The following IL17RD variants were observed in gnomAD, a reference collection of about 807,000 sequenced individuals.
IL17RD encodes interleukin 17 receptor D.
Under a neutral mutation model 80.5 loss-of-function variants are expected in IL17RD, and 52 were observed. That is an observed-to-expected ratio of 0.65 (90% CI 0.52 to 0.81). The LOEUF is 0.81. Among genes scored for constraint, IL17RD ranks in the 40% least tolerant of loss-of-function variants. IL17RD has a pLI of 0.00. For synonymous variants in IL17RD, 416 were observed against 391.8 expected, an observed-to-expected ratio of 1.06 and a Z score of -0.73; for missense variants, 1,024 against 955.1, an observed-to-expected ratio of 1.07 and a Z score of -0.95.
intron 1 of IL17RD, among the ~76,000 whole-genome samples, chr3:57,152,137 T>G (rs2060230217): frequency 6.6e-6 from 1 of 151,970 alleles, no homozygotes; most frequent in Non-Finnish European, 1.5e-5. Context: ...AAACAAGAAC[T>G]CTCTCGGCTG....
At chr3:57,158,224 T>G (rs1309008331) in intron 1 of IL17RD, among the ~76,000 whole-genome samples, 4 of 152,198 alleles carry the variant, frequency 2.6e-5, no homozygotes, top group Non-Finnish European at 5.9e-5. Context: ...ATGAAAAGCC[T>G]CATGATTAAC....
At chr3:57,127,361 TA>T (rs1368602334) in intron 1 of IL17RD, among the ~76,000 whole-genome samples, 1 of 81,184 alleles carries the variant, frequency 1.2e-5, no homozygotes, top group Admixed American at 2.0e-4. Context: ...TATATATAAA[TA>T]TAAATATATA....
chr3:57,146,872 C>A (rs1392194470), intron 1 of IL17RD, among the ~76,000 whole-genome samples: 2 of 122,594 alleles, frequency 1.6e-5, no homozygotes, highest in African/African-American at 4.4e-5. Context: ...GACTGGAGTG[C>A]AATGGCACAA....
chr3:57,153,393 G>T (rs2060242913), intron 1 of IL17RD, among the ~76,000 whole-genome samples: 1 of 152,198 alleles, frequency 6.6e-6, no homozygotes, highest in Admixed American at 6.5e-5. Context: ...ACCTATTCAT[G>T]AGGAAACAAT....
Position 57,120,317 on chromosome 3 carries a change from T to C in IL17RD, c.127-4A>G, listed in dbSNP as rs1344744083. The C allele has an allele frequency of 1.9e-6, 3 of 1,612,320 alleles. No homozygotes were observed. The highest frequency in any genetic ancestry group is 2.2e-5 in the East Asian group (1 of 44,892). Reference sequence around the variant, plus strand: ...TTCTGCTGGCTGGCCCCACTCCCTGTGGGAAAACAAGAGAACATGATGCAG... The same window carrying C: ...TTCTGCTGGCTGGCCCCACTCCCTGCGGGAAAACAAGAGAACATGATGCAG... On this transcript the variant is annotated splice_polypyrimidine_tract_variant and splice_region_variant and intron_variant, in intron 1 of 12. Transcript: ENST00000296318.
chr3:57,113,842 CT>C (rs1327570832), intron 3 of IL17RD, among the ~76,000 whole-genome samples: 3 of 152,030 alleles, frequency 2.0e-5, no homozygotes, highest in Non-Finnish European at 2.9e-5. Context: ...CATGCTTGGC[CT>C]CCTTTTTTTT....
chr3:57,103,027 G>C, intron 9 of IL17RD, 64 bp downstream of exon 9: 1 of 1,128,928 alleles, frequency 8.9e-7, no homozygotes, highest in Non-Finnish European at 1.3e-6. Flanking sequence ...ATGAAGTACA[G>C]AGAGTATCAC....
intron 1 of IL17RD, among the ~76,000 whole-genome samples, chr3:57,152,566 T>C (rs963589197): frequency 1.3e-5 from 2 of 152,236 alleles, no homozygotes; most frequent in Non-Finnish European, 2.9e-5. Context: ...TTTGTCTCTG[T>C]TGTTTCCCTG....
intron 5 of IL17RD, among the ~76,000 whole-genome samples, chr3:57,109,023 G>A (rs1477424473): frequency 1.3e-5 from 2 of 152,312 alleles, no homozygotes; most frequent in East Asian, 3.9e-4. Context: ...CAAGCCAGGA[G>A]TGGGTCTATC....
chr3:57,159,046 T>C (rs1300412937), intron 1 of IL17RD, among the ~76,000 whole-genome samples: 5 of 152,224 alleles, frequency 3.3e-5, no homozygotes, highest in South Asian at 2.1e-4. Context: ...CAATGAGAAA[T>C]TGTTGATTGG....
chr3:57,160,018 A>G (rs1461896143), intron 1 of IL17RD, among the ~76,000 whole-genome samples: 2 of 152,168 alleles, frequency 1.3e-5, no homozygotes, highest in Non-Finnish European at 2.9e-5. Flanking sequence ...CTAAAAATAC[A>G]AAAATTAGCT....
chr3:57,151,437 C>T (rs1416174058), intron 1 of IL17RD, among the ~76,000 whole-genome samples: 5 of 152,130 alleles, frequency 3.3e-5, no homozygotes, highest in African/African-American at 1.2e-4. Context: ...GCATTCAGGG[C>T]ATATCTTCAA....
intron 1 of IL17RD, among the ~76,000 whole-genome samples, chr3:57,133,241 G>A (rs773558903): frequency 5.9e-5 from 9 of 152,158 alleles, no homozygotes; most frequent in African/African-American, 9.7e-5. Context: ...AAAATAGCAG[G>A]CAATCGGAAG....
Position 57,109,553 on chromosome 3 carries a change from G to C in IL17RD, c.534C>G (p.Phe178Leu). The change falls in exon 5 of 13, where the codon TTC becomes TTG. Residue 178 changes from phenylalanine to leucine, a missense_variant. Coordinates refer to ENST00000296318, the MANE Select transcript of IL17RD (RefSeq NM_017563.5). ...SIKNESNYHP[F>L]FFRTRACDLL... The stretch of plus-strand genomic sequence containing the variant: ...CATACTCACCTCGGGTTCTAAAGAA[G>C]AAAGGGTGGTAATTGCTTTCGTTTT... The C allele has an allele frequency of 1.2e-6, 2 of 1,613,818 alleles. No homozygotes were observed. The highest frequency in any genetic ancestry group is 1.7e-6 in the Non-Finnish European group (2 of 1,179,778).
intron 1 of IL17RD, among the ~76,000 whole-genome samples, chr3:57,120,950 T>C (rs1707323752): frequency 6.6e-6 from 1 of 152,212 alleles, no homozygotes; most frequent in African/African-American, 2.4e-5. Flanking sequence ...CTGCACTCAA[T>C]ACCAGGGCTA....
chr3:57,157,108 C>T (rs561025854), intron 1 of IL17RD, among the ~76,000 whole-genome samples: 5 of 152,178 alleles, frequency 3.3e-5, no homozygotes, highest in African/African-American at 1.2e-4. Context: ...AGGGGGCCTC[C>T]TCCAAAGCAG....
In IL17RD at chr3:57,105,552, A is replaced by AAAAAAAAAAAAT; in HGVS notation, c.747+304_747+305insATTTTTTTTTTT. ...ACTCCATCTCAAAAAAAAAAAAAAA[A>AAAAAAAAAAAAT]ATATATATATATATATATTTGTTCA... On this transcript the variant is annotated intron_variant, in intron 7 of 12. Coordinates refer to ENST00000296318, the MANE Select transcript of IL17RD (RefSeq NM_017563.5). Among the ~76,000 whole-genome samples the AAAAAAAAAAAAT allele has an allele frequency of 3.7e-3, 235 of 63,572 alleles. 4 individuals are homozygous for AAAAAAAAAAAAT. The highest frequency in any genetic ancestry group is 5.8e-3 in the African/African-American group (62 of 10,726). The allele number at this position is 63,572 out of a possible 152,430, so 41.7% of individuals were successfully genotyped here. A position where few individuals can be genotyped will look rare whatever the true frequency, so the allele number is the denominator to read the frequency against.
At chr3:57,136,728 G>GA (rs1707739320) in intron 1 of IL17RD, among the ~76,000 whole-genome samples, 1 of 143,934 alleles carries the variant, frequency 6.9e-6, no homozygotes. Context: ...ATTTATCCAT[G>GA]AAAAACCTCT....
chr3:57,129,625 G>A (rs374262928), intron 1 of IL17RD, among the ~76,000 whole-genome samples: 1 of 152,180 alleles, frequency 6.6e-6, no homozygotes, highest in African/African-American at 2.4e-5. Context: ...CACCCCAACA[G>A]GTCCCCGGCA....
Sources: gnomAD v4.1 joint callset for allele counts (sites outside exome capture counted in the v4.1 genomes callset) on GRCh38, gnomAD v4.1.1 for gene constraint, MANE v1.5 for transcripts, NCBI Gene and HGNC (gene_info 2026-07-23, HGNC 2026-07-21) for gene names.